The following FHIT variants were observed in gnomAD, a reference collection of about 807,000 sequenced individuals.
The protein encoded by FHIT is fragile histidine triad diadenosine triphosphatase.
In FHIT, 19 loss-of-function variants were observed where a neutral mutation model predicts 17.9. The observed-to-expected ratio is 1.06, with a 90% CI of 0.74 to 1.56. FHIT has a LOEUF of 1.56. Among genes scored for constraint, FHIT ranks in the 40% most tolerant of loss-of-function variants. The pLI, the probability that FHIT is intolerant of heterozygous loss-of-function variation, is 0.00. For missense variants in FHIT, 248 were observed against 189.2 expected (o/e 1.31, Z -1.82); for synonymous variants, 81 against 69.7 (o/e 1.16, Z -0.81).
chr3:59,967,835 G>A (rs764517312), intron 7 of FHIT, among the ~76,000 whole-genome samples: 13 of 151,538 alleles, frequency 8.6e-5, no homozygotes, highest in Non-Finnish European at 1.8e-4. Flanking sequence ...AAAGAGTGAA[G>A]AAAATGAAGA....
intron 3 of FHIT, among the ~76,000 whole-genome samples, chr3:60,956,654 G>A (rs1262547695): frequency 2.0e-5 from 3 of 152,132 alleles, no homozygotes; most frequent in Non-Finnish European, 4.4e-5. Flanking sequence ...CTGTACATAA[G>A]GAGTTACCAA....
intron 4 of FHIT, among the ~76,000 whole-genome samples, chr3:60,796,162 A>G (rs6762120): frequency 0.6 from 91,441 of 151,504 alleles, 29,011 homozygotes; most frequent in African/African-American, 0.78. Flanking sequence ...ACCTCCCCCT[A>G]GGTACCTCCC....
At chr3:60,035,017 T>C (rs1268037086) in intron 5 of FHIT, among the ~76,000 whole-genome samples, 1 of 152,212 alleles carries the variant, frequency 6.6e-6, no homozygotes, top group Non-Finnish European at 1.5e-5. Context: ...TTATAAACCT[T>C]AACTCATTTT....
At chr3:60,546,951 A>C (rs1230348806) in intron 4 of FHIT, among the ~76,000 whole-genome samples, 1 of 152,134 alleles carries the variant, frequency 6.6e-6, no homozygotes, top group Non-Finnish European at 1.5e-5. Flanking sequence ...CTGCTAGTAC[A>C]CCTATTTCTT....
intron 8 of FHIT, among the ~76,000 whole-genome samples, chr3:59,753,383 A>G (rs1352678777): frequency 2.0e-5 from 3 of 152,222 alleles, no homozygotes; most frequent in Non-Finnish European, 4.4e-5. Flanking sequence ...AATTGTGTGT[A>G]TGTCTCAGAT....
At position 60,285,453 on chromosome 3, in the gene FHIT, G is replaced by T. The variant is rs141133443; in HGVS notation, c.103+251407C>A. On this transcript the variant is annotated intron_variant, in intron 5 of 9. Coordinates refer to ENST00000492590, the MANE Select transcript of FHIT (RefSeq NM_002012.4). ...TAAATAAAATGAATAATGAACGGCA[G>T]ACTTAAAAATTATGACATTTTCTTA... Among the ~76,000 whole-genome samples the T allele has an allele frequency of 8.1e-3, 1,229 of 152,240 alleles. 15 individuals carry two copies. The highest frequency in any genetic ancestry group is 0.028 in the African/African-American group (1,174 of 41,558).
chr3:61,190,847 C>T lies in FHIT; in HGVS notation c.-164+9770G>A, dbSNP rs570087148. Among the ~76,000 whole-genome samples, 28 of 148,862 alleles carry T rather than the reference C, an allele frequency of 1.9e-4. 1 individual carries two copies. The South Asian group carries it at 3.6e-3, about 19-fold the overall frequency. ...ATCACAAGGACAAAACACCAAACAC[C>T]GCATGTTCTCATTCATAGCTGGGAA... On this transcript the variant is annotated intron_variant, in intron 2 of 9. Transcript: ENST00000492590.
intron 7 of FHIT, among the ~76,000 whole-genome samples, chr3:59,984,490 T>G (rs767438086): frequency 3.3e-5 from 5 of 152,096 alleles, no homozygotes; most frequent in Non-Finnish European, 7.4e-5. Context: ...AAATTCCCAC[T>G]GGTATTGGCT....
intron 8 of FHIT, among the ~76,000 whole-genome samples, chr3:59,890,009 T>C (rs1015292313): frequency 1.3e-5 from 2 of 152,204 alleles, no homozygotes; most frequent in African/African-American, 4.8e-5. Flanking sequence ...CTTTAGGCCT[T>C]CAATGAAGAC....
rs1701425216 is a variant in FHIT, at chr3:59,838,744, G to A, written c.348+83602C>T. Among the ~76,000 whole-genome samples, 4 of 152,036 alleles carry A rather than the reference G, an allele frequency of 2.6e-5. No individual in the cohort carries two copies. The South Asian group carries it at 8.3e-4, about 32-fold the overall frequency. ...GATTGATAATGCTCTCTCTCCAAAGGGATAGCATGAAACTCAAGCAAAAGT... is the reference window on the plus strand; with the variant it reads ...GATTGATAATGCTCTCTCTCCAAAGAGATAGCATGAAACTCAAGCAAAAGT... On this transcript the variant is annotated intron_variant, in intron 8 of 9. Coordinates refer to ENST00000492590, the MANE Select transcript of FHIT (RefSeq NM_002012.4).
intron 2 of FHIT, among the ~76,000 whole-genome samples, chr3:61,116,685 GA>G (rs1298088396): frequency 2.0e-5 from 3 of 151,464 alleles, no homozygotes; most frequent in African/African-American, 7.2e-5. Flanking sequence ...TACAAACACA[GA>G]AAGTTAAAGT....
At chr3:59,943,058 C>T (rs977525987) in intron 7 of FHIT, among the ~76,000 whole-genome samples, 3 of 152,064 alleles carry the variant, frequency 2.0e-5, no homozygotes, top group Non-Finnish European at 2.9e-5. Context: ...AATCTGCTCT[C>T]CTGTTATATT....
intron 3 of FHIT, among the ~76,000 whole-genome samples, chr3:60,854,251 C>G (rs1025780895): frequency 7.2e-5 from 11 of 152,092 alleles, no homozygotes; most frequent in African/African-American, 2.7e-4. Flanking sequence ...CTCTCTTTCC[C>G]TAACTTTTCT....
At chr3:59,789,361 G>A (rs917944393) in intron 8 of FHIT, among the ~76,000 whole-genome samples, 6 of 152,068 alleles carry the variant, frequency 3.9e-5, no homozygotes, top group African/African-American at 9.7e-5. Flanking sequence ...CACATTTCAC[G>A]TTCAGAAAAT....
At chr3:59,941,784 A>C (rs1204615793) in intron 7 of FHIT, among the ~76,000 whole-genome samples, 1 of 152,154 alleles carries the variant, frequency 6.6e-6, no homozygotes, top group African/African-American at 2.4e-5. Context: ...TCTGAGGGCA[A>C]ACGCTCCCTG....
At chr3:60,341,112 G>C (rs1710496862) in intron 5 of FHIT, among the ~76,000 whole-genome samples, 2 of 152,156 alleles carry the variant, frequency 1.3e-5, no homozygotes, top group South Asian at 2.1e-4. Context: ...TGCGGGACTT[G>C]AGTATTCACG....
chr3:61,182,276 T>A (rs2038366047), intron 2 of FHIT, among the ~76,000 whole-genome samples: 2 of 152,182 alleles, frequency 1.3e-5, no homozygotes, highest in African/African-American at 4.8e-5. Context: ...AATGCCTACA[T>A]AACCAGATAA....
chr3:60,836,304 G>A lies in FHIT; in HGVS notation c.-110-14293C>T, dbSNP rs782604721. Among the ~76,000 whole-genome samples the A allele has an allele frequency of 9.2e-5, 14 of 152,130 alleles. 1 individual carries two copies. The highest frequency in any genetic ancestry group is 3.9e-4 in the East Asian group (2 of 5,184). ...ATACCAGCTTCCTAAAATGAATTGC[G>A]AAGTGTTCTCTCCTATTTTCTGGAA... On this transcript the variant is annotated intron_variant, in intron 3 of 9. Coordinates refer to ENST00000492590, the MANE Select transcript of FHIT (RefSeq NM_002012.4).
chr3:59,849,445 G>A (rs773440113), intron 8 of FHIT, among the ~76,000 whole-genome samples: 4 of 152,256 alleles, frequency 2.6e-5, no homozygotes, highest in Non-Finnish European at 5.9e-5. Flanking sequence ...TGCGATATGA[G>A]TTGTGTCCAA....
Sources: gnomAD v4.1 joint callset for allele counts (sites outside exome capture counted in the v4.1 genomes callset) on GRCh38, gnomAD v4.1.1 for gene constraint, MANE v1.5 for transcripts, NCBI Gene and HGNC (gene_info 2026-07-23, HGNC 2026-07-21) for gene names.